Variants in DOCK8 observed in about 807,000 individuals in gnomAD.
DOCK8 encodes the protein dedicator of cytokinesis protein 8.
DOCK8 carries 141 observed loss-of-function variants against 245.6 expected under a neutral mutation model. The observed-to-expected ratio is 0.57, with a 90% CI of 0.50 to 0.66. DOCK8 has a LOEUF of 0.66. DOCK8 is among the 30% of genes least tolerant of loss of function. DOCK8 has a pLI of 0.00. For synonymous variants in DOCK8, 1,168 were observed against 970.2 expected, an observed-to-expected ratio of 1.20 and a Z score of -3.79; for missense variants, 2,965 against 2,603.4, an observed-to-expected ratio of 1.14 and a Z score of -3.02.
At chr9:215,092 G>A in intron 1 of DOCK8, 63 bp downstream of exon 1, 17 of 1,520,122 alleles carry the variant, frequency 1.1e-5, no homozygotes, top group South Asian at 2.4e-5. Flanking sequence ...GTGAAGCGGA[G>A]CTTCGCTGCA....
chr9:247,788 C>T (rs1186679233), intron 1 of DOCK8, among the ~76,000 whole-genome samples: 2 of 152,036 alleles, frequency 1.3e-5, no homozygotes, highest in South Asian at 2.1e-4. Context: ...CCACCCTCCT[C>T]GGCCTCCCAA....
intron 36 of DOCK8, among the ~76,000 whole-genome samples, chr9:431,437 TAAAG>T (rs1309054457): frequency 6.6e-6 from 1 of 152,148 alleles, no homozygotes; most frequent in East Asian, 1.9e-4. Context: ...CATGGGCCTG[TAAAG>T]AAAGAAGAAA....
intron 23 of DOCK8, among the ~76,000 whole-genome samples, chr9:389,511 C>T (rs2054092788): frequency 6.6e-6 from 1 of 152,106 alleles, no homozygotes; most frequent in African/African-American, 2.4e-5. Context: ...GCCATATGGG[C>T]ATTATAAAAA....
chr9:262,833 T>A (rs1320172768), intron 1 of DOCK8, among the ~76,000 whole-genome samples: 1 of 152,008 alleles, frequency 6.6e-6, no homozygotes, highest in Admixed American at 6.6e-5. Flanking sequence ...TAAAATGTGC[T>A]TCTTATAAGT....
intron 12 of DOCK8, among the ~76,000 whole-genome samples, 193 bp from the exon 13 acceptor site, chr9:338,813 C>T (rs1390842996): frequency 1.3e-5 from 2 of 152,126 alleles, no homozygotes; most frequent in East Asian, 1.9e-4. Flanking sequence ...GGCCGAGGCA[C>T]AGTGAGTCAC....
intron 22 of DOCK8, among the ~76,000 whole-genome samples, chr9:383,683 A>G (rs1335578685): frequency 3.6e-5 from 5 of 137,416 alleles, no homozygotes; most frequent in Admixed American, 3.2e-4. Flanking sequence ...TTGAGCTACA[A>G]GAGTGAGACT....
chr9:393,316 GCA>G (rs2054290905), intron 24 of DOCK8, among the ~76,000 whole-genome samples: 1 of 96,740 alleles, frequency 1.0e-5, no homozygotes, highest in Admixed American at 1.1e-4. Context: ...ATAATAGTTG[GCA>G]TACCAATAGT....
At chr9:218,206 C>T (rs1481827818) in intron 1 of DOCK8, among the ~76,000 whole-genome samples, 2 of 152,072 alleles carry the variant, frequency 1.3e-5, no homozygotes, top group Admixed American at 6.6e-5. Flanking sequence ...AGCATGTGCT[C>T]ATGTTTTTCA....
intron 5 of DOCK8, among the ~76,000 whole-genome samples, chr9:305,990 A>G (rs2049810517): frequency 1.3e-5 from 2 of 152,290 alleles, no homozygotes; most frequent in East Asian, 3.9e-4. Flanking sequence ...CAAGATGAAC[A>G]GCATTATGGA....
At chr9:292,244 T>C (rs769867014) in intron 4 of DOCK8, among the ~76,000 whole-genome samples, 24 of 149,338 alleles carry the variant, frequency 1.6e-4, no homozygotes, top group Non-Finnish European at 2.7e-4. Flanking sequence ...GTGGTGCATG[T>C]CTGTAATCCC....
At chr9:229,942 T>C (rs534117696) in intron 1 of DOCK8, among the ~76,000 whole-genome samples, 43 of 152,110 alleles carry the variant, frequency 2.8e-4, no homozygotes, top group African/African-American at 9.4e-4. Flanking sequence ...TTAGGGTACA[T>C]GTGCACAACA....
chr9:286,858 C>T (rs536165112), intron 3 of DOCK8, among the ~76,000 whole-genome samples: 48 of 152,280 alleles, frequency 3.2e-4, no homozygotes, highest in South Asian at 6.2e-4. Flanking sequence ...TAAGCCAGTG[C>T]AAGGGATGCA....
At chr9:461,123 G>A (rs1394763883) in intron 46 of DOCK8, among the ~76,000 whole-genome samples, 3 of 152,176 alleles carry the variant, frequency 2.0e-5, no homozygotes, top group Non-Finnish European at 4.4e-5. Context: ...AGGAGACAGG[G>A]AAAACACCAG....
chr9:454,560 C>T (rs945829697), intron 46 of DOCK8: 1 of 152,004 alleles, frequency 6.6e-6, no homozygotes, highest in African/African-American at 2.4e-5. Context: ...CTGTGATGCA[C>T]CGGGTTCCTC....
chr9:367,997 T>C, intron 14 of DOCK8, 21 bp from the exon 15 acceptor site: 2 of 1,579,926 alleles, frequency 1.3e-6, no homozygotes, highest in Non-Finnish European at 8.7e-7. Context: ...TTTCATTGAT[T>C]CTTTATCTCT....
intron 12 of DOCK8, among the ~76,000 whole-genome samples, chr9:338,413 C>A (rs1026215952): frequency 6.6e-6 from 1 of 152,168 alleles, no homozygotes; most frequent in Non-Finnish European, 1.5e-5. Context: ...CCTTCCCAAT[C>A]TTATGACCTT....
intron 26 of DOCK8, among the ~76,000 whole-genome samples, chr9:400,024 TCCA>T (rs2054699077): frequency 1.5e-5 from 1 of 66,838 alleles, no homozygotes; most frequent in Non-Finnish European, 2.8e-5. Context: ...CACCACCACC[TCCA>T]CCATCACCAC....
intron 4 of DOCK8, among the ~76,000 whole-genome samples, chr9:292,429 A>G (rs1296476357): frequency 6.8e-6 from 1 of 147,772 alleles, no homozygotes; most frequent in African/African-American, 2.5e-5. Context: ...TTGACACTAC[A>G]TGCATGAATC....
Position 242,044 on chromosome 9 carries a change from C to T in DOCK8, c.53+27015C>T, listed in dbSNP as rs140040823. ...TTCTGATAATTCAGGTCTTCTTTTG[C>T]CATTTCTCAAACATAGCTATCTTGT... On this transcript the variant is annotated intron_variant, in intron 1 of 47. Coordinates refer to ENST00000432829, the MANE Select transcript of DOCK8 (RefSeq NM_203447.4). Among the ~76,000 whole-genome samples the T allele has an allele frequency of 4.9e-3, 742 of 152,294 alleles. 6 individuals carry two copies. The highest frequency in any genetic ancestry group is 0.016 in the African/African-American group (667 of 41,558).
Sources: gnomAD v4.1 joint callset for allele counts (sites outside exome capture counted in the v4.1 genomes callset) on GRCh38, gnomAD v4.1.1 for gene constraint, MANE v1.5 for transcripts, NCBI Gene and HGNC (gene_info 2026-07-23, HGNC 2026-07-21) for gene names.